The following PRDM5 variants were observed in gnomAD, a reference collection of about 807,000 sequenced individuals.
The protein encoded by PRDM5 is PR/SET domain 5, also known as PR domain zinc finger protein 5.
PRDM5 carries 56 observed loss-of-function variants against 81.2 expected under a neutral mutation model. The observed-to-expected ratio is 0.69, with a 90% CI of 0.56 to 0.86. The LOEUF is 0.86. Among genes scored for constraint, PRDM5 ranks in the 40% least tolerant of loss-of-function variants. The probability of loss-of-function intolerance (pLI) is 0.00; values close to 1 mark genes in which losing one functional copy is unlikely to be tolerated. For missense variants in PRDM5, 697 were observed against 770.1 expected, an observed-to-expected ratio of 0.91 and a Z score of 1.12; for synonymous variants, 267 against 256.4, an observed-to-expected ratio of 1.04 and a Z score of -0.39.
intron 1 of PRDM5, among the ~76,000 whole-genome samples, chr4:120,918,256 T>C (rs1259204317): frequency 3.3e-5 from 5 of 152,228 alleles, no homozygotes; most frequent in Non-Finnish European, 7.3e-5. Flanking sequence ...AGTGTGAATG[T>C]GTGAACACAG....
rs1336018531 is a variant in PRDM5, at chr4:120,907,516, A to C, written c.135T>G (p.Pro45=). 2 of 1,613,028 alleles carry C rather than the reference A, an allele frequency of 1.2e-6. No homozygotes were observed. The highest frequency in any genetic ancestry group is 1.7e-5 in the Admixed American group (1 of 60,010). ...AATCCATATTTTCATCCAAGTCTTC[A>C]GGCATTCTCTTCTCTCCAGCAAAGG... ...FGPFAGEKRM[P]EDLDENMDYR... The change falls in exon 2 of 16, where the codon CCT becomes CCG. Residue 45 remains proline, a synonymous_variant. Transcript: ENST00000264808.
intron 14 of PRDM5, among the ~76,000 whole-genome samples, chr4:120,749,945 T>C (rs965961366): frequency 1.3e-5 from 2 of 152,092 alleles, no homozygotes; most frequent in African/African-American, 2.4e-5. Context: ...CCACAGCCAG[T>C]AGGGCCAGGA....
intron 14 of PRDM5, among the ~76,000 whole-genome samples, chr4:120,748,631 AC>A: frequency 6.8e-6 from 1 of 147,446 alleles, no homozygotes; most frequent in Non-Finnish European, 1.5e-5. Flanking sequence ...GCAGAGCAAG[AC>A]CCTCTCTCTC....
chr4:120,732,358 GATA>G (rs960225866), intron 14 of PRDM5, among the ~76,000 whole-genome samples: 2 of 152,084 alleles, frequency 1.3e-5, no homozygotes, highest in African/African-American at 4.8e-5. Flanking sequence ...TAAGTAATCA[GATA>G]ATATTATTTG....
intron 8 of PRDM5, among the ~76,000 whole-genome samples, chr4:120,806,266 A>G (rs1752908413): frequency 6.6e-6 from 1 of 152,218 alleles, no homozygotes; most frequent in African/African-American, 2.4e-5. Flanking sequence ...GAAAATGGCC[A>G]TACTGCCCAA....
chr4:120,831,761 C>T (rs1000954960), intron 3 of PRDM5, among the ~76,000 whole-genome samples: 2 of 152,034 alleles, frequency 1.3e-5, no homozygotes, highest in African/African-American at 4.8e-5. Context: ...AGAACCTATA[C>T]TTAGAACCAA....
intron 2 of PRDM5, among the ~76,000 whole-genome samples, chr4:120,868,547 A>G (rs1246712531): frequency 1.3e-5 from 2 of 152,210 alleles, no homozygotes; most frequent in African/African-American, 2.4e-5. Flanking sequence ...ATAATCCATT[A>G]AAGTCCTTTT....
chr4:120,795,587 TC>T (rs1751228929), intron 10 of PRDM5, among the ~76,000 whole-genome samples: 1 of 133,194 alleles, frequency 7.5e-6, no homozygotes, highest in South Asian at 2.3e-4. Context: ...AACTAAATTT[TC>T]AAAAAAAAAA....
At chr4:120,899,788 T>C (rs1161215985) in intron 2 of PRDM5, among the ~76,000 whole-genome samples, 1 of 152,200 alleles carries the variant, frequency 6.6e-6, no homozygotes, top group Non-Finnish European at 1.5e-5. Flanking sequence ...CATAAGACTG[T>C]CCTGCACCAG....
chr4:120,916,402 A>ATAC (rs1724172389), intron 1 of PRDM5, among the ~76,000 whole-genome samples: 2 of 151,674 alleles, frequency 1.3e-5, no homozygotes, highest in African/African-American at 4.8e-5. Flanking sequence ...TAAATAAATA[A>ATAC]ATAAATAAAT....
chr4:120,754,604 T>C lies in PRDM5; in HGVS notation c.1572A>G (p.Lys524=). The change falls in exon 14 of 16, where the codon AAA becomes AAG. Residue 524 remains lysine, a synonymous_variant. Coordinates refer to ENST00000264808, the MANE Select transcript of PRDM5 (RefSeq NM_018699.4). ...ERPYQCPYCE[K]GFSKNDGLKM... ...TCAGTCCATCATTTTTACTGAATCC[T>C]TTTTCACAGTAAGGACATTGATAGG... 2 of 1,600,218 alleles carry C rather than the reference T, an allele frequency of 1.2e-6. No homozygotes were observed. Among genetic ancestry groups the C allele is most frequent in the Non-Finnish European group, 1.7e-6 (2 of 1,167,790 alleles).
chr4:120,921,576 C>G (rs1411138191), intron 1 of PRDM5, among the ~76,000 whole-genome samples: 2 of 152,160 alleles, frequency 1.3e-5, no homozygotes, highest in Non-Finnish European at 2.9e-5. Context: ...CTCTGAACCT[C>G]TTGTTAACAT....
At chr4:120,747,624 T>C (rs939500705) in intron 14 of PRDM5, among the ~76,000 whole-genome samples, 1 of 152,078 alleles carries the variant, frequency 6.6e-6, no homozygotes, top group African/African-American at 2.4e-5. Context: ...CAAGGCAAAG[T>C]GCAAAAGGCA....
At chr4:120,814,714 TA>T (rs1382287441) in intron 7 of PRDM5, among the ~76,000 whole-genome samples, 6 of 152,160 alleles carry the variant, frequency 3.9e-5, no homozygotes, top group Admixed American at 3.9e-4. Context: ...CTATCTCCAA[TA>T]GGGAATATTC....
intron 10 of PRDM5, among the ~76,000 whole-genome samples, chr4:120,793,964 T>C (rs1750977043): frequency 6.6e-6 from 1 of 152,172 alleles, no homozygotes; most frequent in African/African-American, 2.4e-5. Flanking sequence ...TAAAAAATAT[T>C]GTTTGAAATT....
rs1050454280 is a variant in PRDM5, at chr4:120,884,351, T to A, written c.177+23123A>T. Among the ~76,000 whole-genome samples the A allele has an allele frequency of 2.0e-5, 3 of 152,180 alleles. No homozygotes were observed. The South Asian group carries it at 6.2e-4, about 31-fold the overall frequency. On this transcript the variant is annotated intron_variant, in intron 2 of 15. Transcript: ENST00000264808. ...GTTGATATTTGTATCTCCCTTAATT[T>A]ACACTTTTCCTACCTTCATTTACAC...
chr4:120,806,245 A>G (rs943820964), intron 8 of PRDM5, among the ~76,000 whole-genome samples: 1 of 152,238 alleles, frequency 6.6e-6, no homozygotes, highest in Admixed American at 6.5e-5. Flanking sequence ...GATAGGAAGA[A>G]TCAATATTGT....
rs114356763 is a variant in PRDM5 at position 120,807,313 on chromosome 4, C to G, written c.945+4057G>C. On this transcript the variant is annotated intron_variant, in intron 8 of 15. Coordinates refer to ENST00000264808, the MANE Select transcript of PRDM5 (RefSeq NM_018699.4). ...GTAGTGATTCCTCCGGGAGCTAGAA[C>G]TAGAAATACCATTTGACCCAGCCAT... Among the ~76,000 whole-genome samples the G allele has an allele frequency of 2.7e-3, 418 of 152,322 alleles. 1 individual carries two copies. The highest frequency in any genetic ancestry group is 9.6e-3 in the African/African-American group (398 of 41,562).
At chr4:120,919,090 G>A (rs539561876) in intron 1 of PRDM5, among the ~76,000 whole-genome samples, 2 of 152,120 alleles carry the variant, frequency 1.3e-5, no homozygotes, top group Admixed American at 6.5e-5. Context: ...CTGGCTCAGC[G>A]ACTTCAGCTC....
Sources: gnomAD v4.1 joint callset for allele counts (sites outside exome capture counted in the v4.1 genomes callset) on GRCh38, gnomAD v4.1.1 for gene constraint, MANE v1.5 for transcripts, NCBI Gene and HGNC (gene_info 2026-07-23, HGNC 2026-07-21) for gene names.